The following PTBP2 variants were observed in gnomAD, a reference collection of about 807,000 sequenced individuals.
PTBP2 encodes polypyrimidine tract binding protein 2.
In PTBP2, 13 loss-of-function variants were observed where a neutral mutation model predicts 61.4. The observed-to-expected ratio is 0.21, with a 90% confidence interval of 0.14 to 0.34. PTBP2 has a LOEUF of 0.34. Ranked by LOEUF, PTBP2 falls within the 10% of genes least tolerant of loss-of-function variation. The pLI is 1.00. For synonymous variants in PTBP2, 215 were observed against 218.5 expected (o/e 0.98, Z 0.14); for missense variants, 405 against 642.6 (o/e 0.63, Z 4.00).
At chr1:96,782,875 C>T (rs1658842867) in intron 7 of PTBP2, among the ~76,000 whole-genome samples, 2 of 151,906 alleles carry the variant, frequency 1.3e-5, no homozygotes, top group Non-Finnish European at 2.9e-5. Context: ...GCTTTCTGTG[C>T]CTAATATCTT....
intron 5 of PTBP2, among the ~76,000 whole-genome samples, chr1:96,776,137 T>C (rs1035926707): frequency 2.6e-5 from 4 of 151,974 alleles, no homozygotes; most frequent in Non-Finnish European, 5.9e-5. Flanking sequence ...AACATTTTAT[T>C]ATTTGAAGCA....
In PTBP2 at chr1:96,733,047, A is replaced by G. The variant is rs1198012119; in HGVS notation, c.39+9453A>G. 2.7e-5 allele frequency among the ~76,000 whole-genome samples: 4 copies of G among 150,392 alleles called. No homozygotes were observed. The East Asian group carries it at 7.8e-4, about 29-fold the overall frequency. ...TTTTTTTTTTTTTTTGCTATAGCAA[A>G]TTTATTGTAACAACACAAAGTATTA... is the stretch of plus-strand genomic sequence containing the variant. On this transcript the variant is annotated intron_variant, in intron 2 of 13. Coordinates refer to ENST00000674951, the MANE Select transcript of PTBP2 (RefSeq NM_021190.4).
chr1:96,726,090 A>T (rs1156312826), intron 2 of PTBP2, among the ~76,000 whole-genome samples: 1 of 148,458 alleles, frequency 6.7e-6, no homozygotes, highest in South Asian at 2.1e-4. Flanking sequence ...AAAAAAAAAA[A>T]AAAAAAAAAA....
chr1:96,818,245 G>A (rs1662554468), downstream of PTBP2: 1 of 151,918 alleles, frequency 6.6e-6, no homozygotes, highest in Admixed American at 6.6e-5. Flanking sequence ...TGTTGTATAG[G>A]TTTTTGAATC....
At chr1:96,749,697 T>C (rs773033170) in intron 2 of PTBP2, 4 of 455,344 alleles carry the variant, frequency 8.8e-6, no homozygotes, top group Non-Finnish European at 1.8e-5. Flanking sequence ...GTAATTCACT[T>C]ACTTAGTCAA....
At chr1:96,818,830 A>T (rs1662576765), downstream of PTBP2, 2 of 152,104 alleles carry the variant, frequency 1.3e-5, no homozygotes, top group Admixed American at 1.3e-4. Flanking sequence ...TGTTTTAAAG[A>T]TAAACAGTTC....
chr1:96,762,386 G>T (rs1252813766), intron 3 of PTBP2, among the ~76,000 whole-genome samples: 1 of 149,184 alleles, frequency 6.7e-6, no homozygotes, highest in East Asian at 2.0e-4. Context: ...GCGGCTGGCC[G>T]GGCGGGGGGC....
chr1:96,748,798 A>C (rs543861383), intron 2 of PTBP2, among the ~76,000 whole-genome samples: 2 of 152,222 alleles, frequency 1.3e-5, no homozygotes, highest in Non-Finnish European at 2.9e-5. Context: ...AAGTTAAATG[A>C]CCAGGCTGAA....
downstream of PTBP2, chr1:96,818,109 A>G (rs961866289): frequency 6.6e-6 from 1 of 152,078 alleles, no homozygotes; most frequent in Non-Finnish European, 1.5e-5. Context: ...TACCCTTTGT[A>G]GCTTCACAGA....
chr1:96,823,165 T>C (rs1395154808), exon 14 of PTBP2: 1 of 152,352 alleles, frequency 6.6e-6, no homozygotes, highest in East Asian at 1.9e-4. Flanking sequence ...TTCACCATGT[T>C]GGCCAGGCTG....
In PTBP2 at chr1:96,770,255, C is replaced by T. The variant is rs1657230359; in HGVS notation, c.288+380C>T. Among the ~76,000 whole-genome samples, 3 of 151,932 alleles carry T rather than the reference C, an allele frequency of 2.0e-5. No homozygotes were observed. In the South Asian group the frequency reaches 6.2e-4, roughly 32 times the overall value. On this transcript the variant is annotated intron_variant, in intron 4 of 13. Transcript: ENST00000674951. ...TTTTATTTAAAAATGTTAAATGATA[C>T]CATTTAGAAGAATTTATGAAATTTA...
chr1:96,724,771 G>A (rs1056349059), intron 2 of PTBP2, among the ~76,000 whole-genome samples: 2 of 151,864 alleles, frequency 1.3e-5, no homozygotes, highest in African/African-American at 4.8e-5. Context: ...ACAAGTTAAT[G>A]GGTGCAGCAC....
intron 2 of PTBP2, among the ~76,000 whole-genome samples, chr1:96,743,305 G>C (rs1249906566): frequency 6.6e-6 from 1 of 151,872 alleles, no homozygotes; most frequent in African/African-American, 2.4e-5. Context: ...CCACTTTCTG[G>C]ATTCTGCTGA....
rs148551096 is a variant in PTBP2, at chr1:96,753,295, C to T, written c.115+1795C>T. The stretch of plus-strand genomic sequence containing the variant: ...CAGACATATTGCAGGGTACTTCAAA[C>T]ACTCCATTTAGACTACAGAAAGCCT... On this transcript the variant is annotated intron_variant, in intron 3 of 13. Coordinates refer to ENST00000674951, the MANE Select transcript of PTBP2 (RefSeq NM_021190.4). Among the ~76,000 whole-genome samples the T allele has an allele frequency of 3.9e-5, 6 of 152,110 alleles. No individual in the cohort carries two copies. The East Asian group carries it at 1.2e-3, about 29-fold the overall frequency.
intron 3 of PTBP2, among the ~76,000 whole-genome samples, chr1:96,763,605 AGGGG>A (rs750897417): frequency 0.096 from 498 of 5,184 alleles, 11 homozygotes; most frequent in Middle Eastern, 0.42. Flanking sequence ...GAGAGGAGGG[AGGGG>A]GAGGGGGAGG....
At chr1:96,817,604 C>A (rs1246803155), downstream of PTBP2, 1 of 152,052 alleles carries the variant, frequency 6.6e-6, no homozygotes, top group Non-Finnish European at 1.5e-5. Flanking sequence ...TCAACTATAT[C>A]ACTACCTAAC....
intron 8 of PTBP2, among the ~76,000 whole-genome samples, chr1:96,787,577 A>C (rs1339379668): frequency 6.6e-6 from 1 of 152,142 alleles, no homozygotes; most frequent in Non-Finnish European, 1.5e-5. Context: ...AACTATACTC[A>C]AAAATAGGTT....
intron 11 of PTBP2, 90 bp downstream of exon 11, chr1:96,807,048 A>G: frequency 3.2e-6 from 3 of 927,500 alleles, no homozygotes; most frequent in Non-Finnish European, 4.8e-6. Flanking sequence ...ACTCCTTTAC[A>G]TCAGTAAGAA....
chr1:96,815,581 C>G (rs1662450865), downstream of PTBP2: 1 of 152,044 alleles, frequency 6.6e-6, no homozygotes, highest in African/African-American at 2.4e-5. Context: ...TTTGGAGTTA[C>G]ACATGTTTCT....
Sources: gnomAD v4.1 joint callset for allele counts (sites outside exome capture counted in the v4.1 genomes callset) on GRCh38, gnomAD v4.1.1 for gene constraint, MANE v1.5 for transcripts, NCBI Gene and HGNC (gene_info 2026-07-23, HGNC 2026-07-21) for gene names.